CACNA2D1: variants seen among roughly 807,000 people sequenced by gnomAD.
The protein encoded by CACNA2D1 is voltage-dependent calcium channel subunit alpha-2/delta-1.
Under a neutral mutation model 171.5 loss-of-function variants are expected in CACNA2D1, and 53 were observed. That is an observed-to-expected ratio of 0.31 (90% confidence interval 0.25 to 0.39). The LOEUF is 0.39. CACNA2D1 is among the 10% of genes least tolerant of loss of function. CACNA2D1 has a pLI of 1.00. For synonymous variants in CACNA2D1, 442 were observed against 443.1 expected (o/e 1.00, Z 0.03); for missense variants, 903 against 1,299.8 (o/e 0.69, Z 4.69).
chr7:82,007,652 T>C (rs1174284538), intron 16 of CACNA2D1, 27 bp downstream of exon 16: 3 of 1,119,372 alleles, frequency 2.7e-6, no homozygotes, highest in Non-Finnish European at 4.1e-6. Context: ...CATTTATTAT[T>C]ATTAATTTTA....
At chr7:82,339,762 T>C (rs375239676) in intron 2 of CACNA2D1, among the ~76,000 whole-genome samples, 2 of 152,304 alleles carry the variant, frequency 1.3e-5, no homozygotes, top group East Asian at 1.9e-4. Flanking sequence ...AGCAATAGAA[T>C]TGGTGGTTAT....
At chr7:82,038,654 T>G (rs564059573) in intron 10 of CACNA2D1, among the ~76,000 whole-genome samples, 1 of 152,294 alleles carries the variant, frequency 6.6e-6, no homozygotes, top group Admixed American at 6.5e-5. Context: ...AAAGACTGGT[T>G]GGAAAAGTAA....
At chr7:82,378,391 C>G (rs563687769) in intron 1 of CACNA2D1, among the ~76,000 whole-genome samples, 236 of 151,950 alleles carry the variant, frequency 1.6e-3, no homozygotes, top group African/African-American at 5.0e-3. Context: ...AGAGCAAGAC[C>G]CTATCTCTGA....
intron 3 of CACNA2D1, among the ~76,000 whole-genome samples, chr7:82,223,030 AG>A (rs1218450713): frequency 6.6e-6 from 1 of 151,606 alleles, no homozygotes; most frequent in East Asian, 1.9e-4. Context: ...CTCCTCCCTC[AG>A]TAACTGGGAT....
intron 3 of CACNA2D1, among the ~76,000 whole-genome samples, chr7:82,245,662 TCACA>T (rs1554479416): frequency 2.8e-5 from 4 of 145,378 alleles, no homozygotes; most frequent in African/African-American, 5.2e-5. Flanking sequence ...TCTCTCTCTC[TCACA>T]CACACACACA....
Position 82,318,516 on chromosome 7 carries a change from C to T in CACNA2D1, c.294+16619G>A, listed in dbSNP as rs1459247835. The stretch of plus-strand genomic sequence containing the variant: ...ATCTCCATCTCCATTACCAAATTCA[C>T]CACACATTTTATGTAAATACTTAAT... On this transcript the variant is annotated intron_variant, in intron 3 of 38. Coordinates refer to ENST00000356860, the MANE Select transcript of CACNA2D1 (RefSeq NM_000722.4). Among the ~76,000 whole-genome samples the T allele has an allele frequency of 2.0e-5, 3 of 152,064 alleles. No homozygotes were observed. The East Asian group carries it at 5.8e-4, about 29-fold the overall frequency.
chr7:82,126,285 A>G (rs1790325072), intron 5 of CACNA2D1, among the ~76,000 whole-genome samples: 1 of 152,220 alleles, frequency 6.6e-6, no homozygotes, highest in African/African-American at 2.4e-5. Context: ...CAGCAATTGT[A>G]CATGTATGCC....
chr7:82,380,991 G>T (rs1011822759), intron 1 of CACNA2D1, among the ~76,000 whole-genome samples: 1 of 151,616 alleles, frequency 6.6e-6, no homozygotes, highest in Non-Finnish European at 1.5e-5. Context: ...CACTGCGCCC[G>T]GCCACATTTA....
At chr7:82,099,825 A>G (rs993823906) in intron 6 of CACNA2D1, among the ~76,000 whole-genome samples, 1 of 152,156 alleles carries the variant, frequency 6.6e-6, no homozygotes, top group South Asian at 2.1e-4. Context: ...TCTGTTCTCT[A>G]TGTAAACTGA....
intron 3 of CACNA2D1, among the ~76,000 whole-genome samples, chr7:82,290,765 T>C (rs917011539): frequency 2.0e-5 from 3 of 151,510 alleles, no homozygotes; most frequent in African/African-American, 7.3e-5. Context: ...CCGGGCTAAT[T>C]TTGTATTTTT....
chr7:82,418,454 T>C (rs1262165735), intron 1 of CACNA2D1, among the ~76,000 whole-genome samples: 1 of 152,118 alleles, frequency 6.6e-6, no homozygotes, highest in Non-Finnish European at 1.5e-5. Flanking sequence ...TTCTTCTTTG[T>C]AGAAAGAAGA....
At chr7:82,296,122 G>GC (rs1554500847) in intron 3 of CACNA2D1, among the ~76,000 whole-genome samples, 2 of 145,276 alleles carry the variant, frequency 1.4e-5, no homozygotes, top group Admixed American at 8.4e-5. Context: ...GGTGGGGGAA[G>GC]GGGGGAGGGA....
chr7:82,396,572 C>T (rs745402635), intron 1 of CACNA2D1, among the ~76,000 whole-genome samples: 2 of 152,216 alleles, frequency 1.3e-5, no homozygotes, highest in Non-Finnish European at 2.9e-5. Context: ...GTACTAGCTA[C>T]TTCTTTACGT....
intron 1 of CACNA2D1, among the ~76,000 whole-genome samples, chr7:82,382,348 T>A (rs1823805258): frequency 6.6e-6 from 1 of 152,218 alleles, no homozygotes; most frequent in Non-Finnish European, 1.5e-5. Flanking sequence ...TCAAGTGGGT[T>A]ATTTTGACTG....
chr7:82,258,696 C>T (rs527803517), intron 3 of CACNA2D1, among the ~76,000 whole-genome samples: 1 of 152,008 alleles, frequency 6.6e-6, no homozygotes, highest in African/African-American at 2.4e-5. Context: ...CGATGTTCTC[C>T]CTTTTTGGTC....
rs528852877 is a variant in CACNA2D1, at chr7:82,291,511, T to G, written c.294+43624A>C. Reference sequence around the variant, plus strand: ...ATATATATTTTTATATATAGATAGATCTATATATAGATAGATCTATATATG... The same window carrying G: ...ATATATATTTTTATATATAGATAGAGCTATATATAGATAGATCTATATATG... On this transcript the variant is annotated intron_variant, in intron 3 of 38. Coordinates refer to ENST00000356860, the MANE Select transcript of CACNA2D1 (RefSeq NM_000722.4). Among the ~76,000 whole-genome samples, 44 of 137,784 alleles carry G rather than the reference T, an allele frequency of 3.2e-4. No individual in the cohort carries two copies. The East Asian group carries it at 8.8e-3, about 27-fold the overall frequency. 90.4% of individuals were successfully genotyped at this position (137,784 alleles called of 152,430 possible). A position where few individuals can be genotyped will look rare whatever the true frequency, so the allele number is the denominator to read the frequency against.
intron 1 of CACNA2D1, among the ~76,000 whole-genome samples, chr7:82,396,025 T>C (rs1467214915): frequency 6.6e-6 from 1 of 152,262 alleles, no homozygotes; most frequent in Non-Finnish European, 1.5e-5. Flanking sequence ...GTTTGGACTT[T>C]CTAATATATT....
intron 1 of CACNA2D1, among the ~76,000 whole-genome samples, chr7:82,376,174 AT>A (rs561653341): frequency 1.1e-4 from 17 of 152,276 alleles, no homozygotes; most frequent in Admixed American, 4.6e-4. Flanking sequence ...TTAAAAACAA[AT>A]TTTTAAATTA....
chr7:82,392,339 C>T (rs1467928092), intron 1 of CACNA2D1, among the ~76,000 whole-genome samples: 1 of 152,210 alleles, frequency 6.6e-6, no homozygotes, highest in Non-Finnish European at 1.5e-5. Context: ...TGGGGGGCCA[C>T]CCTCATGTCC....
Sources: allele counts gnomAD v4.1 joint callset (sites outside exome capture counted in the v4.1 genomes callset), GRCh38; gene constraint gnomAD v4.1.1; transcripts MANE v1.5; gene names NCBI Gene and HGNC (gene_info 2026-07-23, HGNC 2026-07-21).